Variants in AGAP1 observed in about 807,000 individuals in gnomAD.
The protein encoded by AGAP1 is arf-GAP with GTPase, ANK repeat and PH domain-containing protein 1.
A neutral mutation model predicts 105.3 loss-of-function variants in AGAP1; 29 were observed. The observed-to-expected ratio is 0.28, with a 90% CI of 0.21 to 0.38. The LOEUF (loss-of-function observed/expected upper bound fraction) is 0.38. Ranked by LOEUF, AGAP1 falls within the 10% of genes least tolerant of loss-of-function variation. The probability of loss-of-function intolerance (pLI) is 1.00; values close to 1 mark genes in which losing one functional copy is unlikely to be tolerated. For missense variants in AGAP1, 998 were observed against 1,165.1 expected, an observed-to-expected ratio of 0.86 and a Z score of 2.09; for synonymous variants, 509 against 485.9, an observed-to-expected ratio of 1.05 and a Z score of -0.63.
Position 235,569,661 on chromosome 2 carries a change from G to A in AGAP1, c.163+74812G>A, listed in dbSNP as rs1944456581. Among the ~76,000 whole-genome samples, 1 of 152,194 alleles carries A rather than the reference G, an allele frequency of 6.6e-6. No individual in the cohort carries two copies. Among genetic ancestry groups the A allele is most frequent in the Admixed American group, 6.5e-5 (1 of 15,288 alleles). On this transcript the variant is annotated intron_variant, in intron 1 of 17. Transcript: ENST00000304032. The surrounding 1 kb of genome is among the most constrained non-coding windows in gnomAD (Gnocchi z 5.9). ...TGCCCAGGTAGGGTGTGTTCACTGT[G>A]CCCCTGTGTGAGGGTTTGTAGTCTT...
In AGAP1 at chr2:235,741,159, C is replaced by G; in HGVS notation, c.396+111C>G. The G allele has an allele frequency of 2.3e-6, 2 of 859,426 alleles. No homozygotes were observed. The highest frequency in any genetic ancestry group is 3.3e-6 in the Non-Finnish European group (2 of 602,774). 53.2% of individuals were successfully genotyped at this position (859,426 alleles called of 1,614,324 possible). On this transcript the variant is annotated intron_variant, in intron 4 of 17. Transcript: ENST00000304032. This position sits in a 1 kb window ranked among gnomAD's most constrained non-coding sequence, Gnocchi z 4.9. ...ACTTGGTTTCCAAAAAAGTGGAAAC[C>G]CCATAAAAAATGTTTCCTCTCACTG...
chr2:236,072,492 A>T (rs781342381), intron 16 of AGAP1: 4 of 152,010 alleles, frequency 2.6e-5, no homozygotes, highest in Non-Finnish European at 4.4e-5. Flanking sequence ...AGAGTGGAGT[A>T]CAGTGGTGTG....
chr2:235,860,320 C>A (rs775603394), intron 9 of AGAP1, among the ~76,000 whole-genome samples: 1 of 152,144 alleles, frequency 6.6e-6, no homozygotes, highest in Non-Finnish European at 1.5e-5. Flanking sequence ...TTCGGTATTT[C>A]CTTTAACTGT....
In AGAP1 at chr2:235,751,141, ACGT is replaced by A. The variant is rs1953399564; in HGVS notation, c.673+658_673+660del. 1.3e-5 allele frequency among the ~76,000 whole-genome samples: 2 copies of A among 152,084 alleles called. No homozygotes were observed. Among genetic ancestry groups the A allele is most frequent in the African/African-American group, 4.8e-5 (2 of 41,428 alleles). ...TACTTGTGGATGATCATAGCGCCAG[ACGT>A]CGTCTATGAGAGAGGAGCCTGTGCA... On this transcript the variant is annotated intron_variant, in intron 6 of 17. Coordinates refer to ENST00000304032, the MANE Select transcript of AGAP1 (RefSeq NM_001037131.3). This position sits in a 1 kb window ranked among gnomAD's most constrained non-coding sequence, Gnocchi z 5.3.
intron 4 of AGAP1, among the ~76,000 whole-genome samples, chr2:235,742,826 C>T (rs1459159901): frequency 6.6e-6 from 1 of 152,112 alleles, no homozygotes; most frequent in Non-Finnish European, 1.5e-5. Flanking sequence ...AACTGAAGAG[C>T]AAGTCTTACC....
chr2:236,047,063 AG>A (rs1289662288), intron 15 of AGAP1, among the ~76,000 whole-genome samples: 2 of 152,176 alleles, frequency 1.3e-5, no homozygotes, highest in Non-Finnish European at 1.5e-5. Context: ...TAGGAGTTTG[AG>A]GCTGCAGTGA....
At chr2:235,916,309 C>T (rs185027284) in intron 11 of AGAP1, among the ~76,000 whole-genome samples, 2 of 152,290 alleles carry the variant, frequency 1.3e-5, no homozygotes, top group Admixed American at 1.3e-4. Flanking sequence ...TCTTAAGTTG[C>T]CATTCTAATG....
In AGAP1 at chr2:235,729,302, A is replaced by C. The variant is rs1441870926; in HGVS notation, c.310+11658A>C. ...AGGTGTGTTTGGGCCGTCTAGAACC[A>C]TGTGACCTGGCAGCCACTTCAACTT... On this transcript the variant is annotated intron_variant, in intron 3 of 17. Transcript: ENST00000304032. This position sits in a 1 kb window ranked among gnomAD's most constrained non-coding sequence, Gnocchi z 5.0. 6.6e-6 allele frequency among the ~76,000 whole-genome samples: 1 copy of C among 152,064 alleles called. No individual in the cohort carries two copies. Among genetic ancestry groups the C allele is most frequent in the Non-Finnish European group, 1.5e-5 (1 of 68,022 alleles).
rs1165045315 is a variant in AGAP1 at position 235,958,849 on chromosome 2, C to A, written c.1484-9613C>A. Among the ~76,000 whole-genome samples, 2 of 152,204 alleles carry A rather than the reference C, an allele frequency of 1.3e-5. No homozygotes were observed. The highest frequency in any genetic ancestry group is 4.1e-4 in the South Asian group (2 of 4,830). On this transcript the variant is annotated intron_variant, in intron 12 of 17. Coordinates refer to ENST00000304032, the MANE Select transcript of AGAP1 (RefSeq NM_001037131.3). The surrounding 1 kb of genome is among the most constrained non-coding windows in gnomAD (Gnocchi z 4.1). ...CCTCTAGTCATGCTTGTCAGCTCTC[C>A]GAGTGAAAAGTGAAACTGCTTCTTT...
chr2:235,530,941 A>G (rs1158414505), intron 1 of AGAP1, among the ~76,000 whole-genome samples: 1 of 152,150 alleles, frequency 6.6e-6, no homozygotes, highest in Admixed American at 6.5e-5. Flanking sequence ...ACCTGCTGTC[A>G]TTGGGGCTGA....
chr2:235,556,263 G>A lies in AGAP1; in HGVS notation c.163+61414G>A, dbSNP rs1943970052. Among the ~76,000 whole-genome samples the A allele has an allele frequency of 6.6e-6, 1 of 152,238 alleles. No homozygotes were observed. Among genetic ancestry groups the A allele is most frequent in the African/African-American group, 2.4e-5 (1 of 41,472 alleles). On this transcript the variant is annotated intron_variant, in intron 1 of 17. Transcript: ENST00000304032. The surrounding 1 kb of genome is among the most constrained non-coding windows in gnomAD (Gnocchi z 5.3). ...TGTCCAGGCCACTGATCAGCCCCCA[G>A]GTCCAGGTCCAAGAACAAGCCTGTG...
At chr2:236,054,762 A>G (rs946224932) in intron 16 of AGAP1, among the ~76,000 whole-genome samples, 3 of 152,116 alleles carry the variant, frequency 2.0e-5, no homozygotes, top group Non-Finnish European at 2.9e-5. Flanking sequence ...ATCTATTTAC[A>G]TACCCCCAGC....
At chr2:235,605,540 T>G (rs1945901255) in intron 1 of AGAP1, among the ~76,000 whole-genome samples, 1 of 152,214 alleles carries the variant, frequency 6.6e-6, no homozygotes, top group Non-Finnish European at 1.5e-5. Context: ...TCTCCCTACC[T>G]TGTTGCCAAG....
intron 13 of AGAP1, among the ~76,000 whole-genome samples, chr2:236,029,145 T>A (rs569623738): frequency 1.3e-5 from 2 of 152,244 alleles, no homozygotes; most frequent in African/African-American, 4.8e-5. Context: ...ATGGTAGACA[T>A]TGTCATTAGC....
rs578043250 is a variant in AGAP1, at chr2:236,090,834, G to A, written c.2115-29358G>A. Among the ~76,000 whole-genome samples, 13 of 152,310 alleles carry A rather than the reference G, an allele frequency of 8.5e-5. No individual in the cohort carries two copies. In the South Asian group the frequency reaches 2.7e-3, roughly 32 times the overall value. On this transcript the variant is annotated intron_variant, in intron 16 of 17. Transcript: ENST00000304032. The surrounding 1 kb of genome is among the most constrained non-coding windows in gnomAD (Gnocchi z 4.3). ...GGCTCACTGCAACCCCCGCCTCCCA[G>A]GTTCAAGCGATTCTCATGCCTCAGC...
chr2:236,028,969 A>G, intron 13 of AGAP1, among the ~76,000 whole-genome samples: 1 of 152,018 alleles, frequency 6.6e-6, no homozygotes, highest in East Asian at 1.9e-4. Flanking sequence ...GAAATTGGAC[A>G]TTCTACTTAT....
At position 235,556,030 on chromosome 2, in the gene AGAP1, C is replaced by T. The variant is rs1421531056; in HGVS notation, c.163+61181C>T. ...GTTTCTGCCTGTGGGGCACGTGGGA[C>T]ATGTGAGGGAGAAACAGCATCCTGC... On this transcript the variant is annotated intron_variant, in intron 1 of 17. Transcript: ENST00000304032. This position sits in a 1 kb window ranked among gnomAD's most constrained non-coding sequence, Gnocchi z 5.3. Among the ~76,000 whole-genome samples, 3 of 152,178 alleles carry T rather than the reference C, an allele frequency of 2.0e-5. No homozygotes were observed. In the East Asian group the frequency reaches 5.8e-4, roughly 29 times the overall value.
chr2:235,823,284 A>G (rs1181665747), intron 9 of AGAP1, among the ~76,000 whole-genome samples: 6 of 152,070 alleles, frequency 3.9e-5, no homozygotes, highest in South Asian at 4.2e-4. Flanking sequence ...TTTCCCTACC[A>G]TCTTCCCATT....
rs2058056566 is a variant in AGAP1 at position 236,056,554 on chromosome 2, T to C, written c.2114+7273T>C. On this transcript the variant is annotated intron_variant, in intron 16 of 17. Transcript: ENST00000304032. The surrounding 1 kb of genome is among the most constrained non-coding windows in gnomAD (Gnocchi z 4.6). The stretch of plus-strand genomic sequence containing the variant: ...AATGGGAAGATTAACCTTTTTAGGC[T>C]TGAATTATATAACATGGGCCAATAA... Among the ~76,000 whole-genome samples, 1 of 152,204 alleles carries C rather than the reference T, an allele frequency of 6.6e-6. No homozygotes were observed. The highest frequency in any genetic ancestry group is 6.5e-5 in the Admixed American group (1 of 15,282).
Sources: gnomAD v4.1 joint callset for allele counts (sites outside exome capture counted in the v4.1 genomes callset) on GRCh38, gnomAD v4.1.1 for gene constraint, Gnocchi (gnomAD v3.1) non-coding constraint, MANE v1.5 for transcripts, NCBI Gene and HGNC (gene_info 2026-07-23, HGNC 2026-07-21) for gene names.